Variants in PEX5 observed in about 807,000 individuals in gnomAD.
PEX5 encodes the protein PTS1 receptor.
A neutral mutation model predicts 82.9 loss-of-function variants in PEX5; 52 were observed. That is an observed-to-expected ratio of 0.63 (90% confidence interval 0.50 to 0.79). The LOEUF is 0.79. Among genes scored for constraint, PEX5 ranks in the 30% least tolerant of loss-of-function variants. PEX5 has a pLI of 0.00. For synonymous variants in PEX5, 300 were observed against 318.8 expected, an observed-to-expected ratio of 0.94 and a Z score of 0.63; for missense variants, 719 against 815.2, an observed-to-expected ratio of 0.88 and a Z score of 1.44.
chr12:7,193,866 G>A (rs1276249180), intron 5 of PEX5, among the ~76,000 whole-genome samples: 1 of 152,196 alleles, frequency 6.6e-6, no homozygotes, highest in African/African-American at 2.4e-5. Context: ...AGCTCTTCTA[G>A]TATTTTGTAG....
At chr12:7,204,916 GA>G (rs1944574244) in intron 10 of PEX5, among the ~76,000 whole-genome samples, 2 of 151,770 alleles carry the variant, frequency 1.3e-5, no homozygotes, top group African/African-American at 4.8e-5. Context: ...TCCAAGAATA[GA>G]AATGTGGAAA....
intron 6 of PEX5, among the ~76,000 whole-genome samples, chr12:7,201,162 T>TAC (rs958614908): frequency 1.5e-4 from 7 of 48,184 alleles, no homozygotes; most frequent in African/African-American, 3.3e-4. Flanking sequence ...CACACATATA[T>TAC]ACACACATAC....
At chr12:7,193,608 A>C (rs1411057662) in intron 5 of PEX5, among the ~76,000 whole-genome samples, 1 of 152,186 alleles carries the variant, frequency 6.6e-6, no homozygotes, top group Non-Finnish European at 1.5e-5. Flanking sequence ...ACAGAAACTC[A>C]GTTTTTCACA....
In PEX5 at chr12:7,217,606, A is replaced by G. The variant is rs758688844; in HGVS notation, c.*20-796A>G. On this transcript the variant is annotated intron_variant, in intron 17 of 17. Transcript: ENST00000455147. ...CTCCTGTCACCTTTCATTGGTCAAAACAAATTATTTATTTTACAAGGCTCT... is the reference window on the plus strand; with the variant it reads ...CTCCTGTCACCTTTCATTGGTCAAAGCAAATTATTTATTTTACAAGGCTCT... Among the ~76,000 whole-genome samples the G allele has an allele frequency of 2.0e-5, 3 of 152,348 alleles. No individual in the cohort carries two copies. In the East Asian group the frequency reaches 5.8e-4, roughly 29 times the overall value.
Position 7,210,077 on chromosome 12 carries a change from C to T in PEX5, c.1774C>T (p.Pro592Ser), listed in dbSNP as rs765978796. ...ALNMQRKSRGPRGEGGAMSEN... is the reference protein window; with the variant it reads ...ALNMQRKSRGSRGEGGAMSEN... Reference sequence around the variant, plus strand: ...GAACATGCAGAGGAAAAGCCGGGGCCCCCGGGGTGAAGGAGGTGCCATGTC... The same window carrying T: ...GAACATGCAGAGGAAAAGCCGGGGCTCCCGGGGTGAAGGAGGTGCCATGTC... Residue 592 changes from proline (P) to serine (S), a missense_variant, in exon 16 of 16, where the codon CCC becomes TCC. Coordinates refer to ENST00000675855, the MANE Select transcript of PEX5 (RefSeq NM_001351132.2). 1.2e-6 allele frequency: 2 copies of T among 1,614,190 alleles called. No individual in the cohort carries two copies. The highest frequency in any genetic ancestry group is 8.5e-7 in the Non-Finnish European group (1 of 1,180,030).
At chr12:7,216,348 T>C (rs1945779641), downstream of PEX5, among the ~76,000 whole-genome samples, 2 of 152,146 alleles carry the variant, frequency 1.3e-5, no homozygotes, top group Admixed American at 1.3e-4. Flanking sequence ...TTACTTTATC[T>C]CCAGGGCAAG....
At chr12:7,208,313 C>A in intron 12 of PEX5, 144 bp from the exon 13 acceptor site, 1 of 754,500 alleles carries the variant, frequency 1.3e-6, no homozygotes, top group South Asian at 1.5e-5. Flanking sequence ...AGATCTGTAA[C>A]TTTATTATTA....
At chr12:7,192,455 A>G (rs1591655129) in intron 5 of PEX5, among the ~76,000 whole-genome samples, 2 of 152,126 alleles carry the variant, frequency 1.3e-5, no homozygotes, top group African/African-American at 2.4e-5. Flanking sequence ...TTTCAGCCTA[A>G]TTTTTCCTCT....
chr12:7,207,524 G>A, intron 10 of PEX5, 135 bp from the exon 11 acceptor site: 2 of 835,384 alleles, frequency 2.4e-6, no homozygotes, highest in Middle Eastern at 2.7e-4. Context: ...TTATAATATG[G>A]AGAATTTGCC....
At chr12:7,196,537 C>T (rs62647641) in intron 5 of PEX5, among the ~76,000 whole-genome samples, 7,118 of 22,320 alleles carry the variant, frequency 0.32, 1,208 homozygotes, top group African/African-American at 0.37. Context: ...ATATATGTCA[C>T]ATATAATGTA....
rs1380311279 is a variant in PEX5, at chr12:7,197,363, AATT to A, written c.449-1645_449-1643del. 2.3e-3 allele frequency among the ~76,000 whole-genome samples: 175 copies of A among 76,082 alleles called. 10 individuals are homozygous for A. The highest frequency in any genetic ancestry group is 8.3e-3 in the African/African-American group (145 of 17,404). The allele number at this position is 76,082 out of a possible 152,430, so 49.9% of individuals were successfully genotyped here. A position where few individuals can be genotyped will look rare whatever the true frequency, so the allele number is the denominator to read the frequency against. On this transcript the variant is annotated intron_variant, in intron 5 of 15. Coordinates refer to ENST00000675855, the MANE Select transcript of PEX5 (RefSeq NM_001351132.2). ...TTATATATGTCATATACAATGTAAT[AATT>A]ATATATGTCATATACAATGTAATAA...
chr12:7,201,718 C>A, intron 6 of PEX5, 33 bp from the exon 7 acceptor site: 1 of 1,462,598 alleles, frequency 6.8e-7, no homozygotes, highest in Non-Finnish European at 9.6e-7. Context: ...TGATGGCAGA[C>A]TAATGTGTAA....
intron 1 of PEX5, 140 bp downstream of exon 1, chr12:7,189,890 C>T (rs1272186243): frequency 2.1e-6 from 3 of 1,405,430 alleles, no homozygotes; most frequent in Non-Finnish European, 2.8e-6. Context: ...CGGGAGGGAC[C>T]GGGCCGAGCC....
At position 7,211,043 on chromosome 12, in the gene PEX5, C is replaced by T. The variant is rs926523540; in HGVS notation, c.*820C>T. On this transcript the variant is annotated 3_prime_UTR_variant, in exon 16 of 16. Transcript: ENST00000675855. Reference sequence around the variant, plus strand: ...GGGGGTATGGTGAGTGCGGCAATCCCTCATCCTCTTAGAAGCACCTGTGAA... The same window carrying T: ...GGGGGTATGGTGAGTGCGGCAATCCTTCATCCTCTTAGAAGCACCTGTGAA... The T allele has an allele frequency of 6.5e-6, 1 of 152,958 alleles. No homozygotes were observed. The highest frequency in any genetic ancestry group is 2.4e-5 in the African/African-American group (1 of 41,412). The allele number at this position is 152,958 out of a possible 1,614,324, so 9.5% of individuals were successfully genotyped here.
intron 8 of PEX5, 82 bp downstream of exon 8, chr12:7,202,433 T>G: frequency 6.5e-7 from 1 of 1,547,854 alleles, no homozygotes; most frequent in South Asian, 1.1e-5. Context: ...TGGTCCCAGA[T>G]GGGGAAGGAT....
intron 5 of PEX5, among the ~76,000 whole-genome samples, chr12:7,197,540 T>A (rs185073397): frequency 0.19 from 18,033 of 94,898 alleles, 2,848 homozygotes; most frequent in African/African-American, 0.25. Flanking sequence ...ATAATGTAAT[T>A]ATATATGTTA....
rs1944390143 is a variant in PEX5 at position 7,203,450 on chromosome 12, G to A, written c.865G>A (p.Asp289Asn). ...SAIESDVDFW[D>N]KLQAELEEMA... ...CTTACAGTCTGATGTCGATTTCTGG[G>A]ACAAGTTGCAGGCAGAGTTGGAGGA... Residue 289 changes from aspartate (D) to asparagine (N), a missense_variant, in exon 10 of 16, where the codon GAC becomes AAC. By Grantham distance (23) the Asp-to-Asn change is conservative. Coordinates refer to ENST00000675855, the MANE Select transcript of PEX5 (RefSeq NM_001351132.2). The A allele has an allele frequency of 6.2e-7, 1 of 1,613,726 alleles. No homozygotes were observed. The highest frequency in any genetic ancestry group is 1.3e-5 in the African/African-American group (1 of 74,878).
rs1240058895 is a variant in PEX5 at position 7,197,117 on chromosome 12, GTAA to G, written c.449-1888_449-1886del. ...AATGTAATTATATATGTCATATAAT[GTAA>G]TAATATATGTCATATATAATGTAAT... On this transcript the variant is annotated intron_variant, in intron 5 of 15. Coordinates refer to ENST00000675855, the MANE Select transcript of PEX5 (RefSeq NM_001351132.2). Among the ~76,000 whole-genome samples, 151 of 52,068 alleles carry G rather than the reference GTAA, an allele frequency of 2.9e-3. 59 individuals are homozygous for G. The highest frequency in any genetic ancestry group is 6.0e-3 in the African/African-American group (105 of 17,366). The allele number at this position is 52,068 out of a possible 152,430, so 34.2% of individuals were successfully genotyped here.
At chr12:7,208,213 C>CT in intron 12 of PEX5, 133 bp downstream of exon 12, 2 of 800,846 alleles carry the variant, frequency 2.5e-6, no homozygotes, top group Non-Finnish European at 2.2e-6. Context: ...TGCTGAAACT[C>CT]TGAGGGTTGG....
Sources: gnomAD v4.1 joint callset for allele counts (sites outside exome capture counted in the v4.1 genomes callset) on GRCh38, gnomAD v4.1.1 for gene constraint, MANE v1.5 for transcripts, NCBI Gene and HGNC (gene_info 2026-07-23, HGNC 2026-07-21) for gene names.